The following L3MBTL4 variants were observed in gnomAD, a reference collection of about 807,000 sequenced individuals.
L3MBTL4 encodes lethal(3)malignant brain tumor-like protein 4.
A neutral mutation model predicts 84.5 loss-of-function variants in L3MBTL4; 70 were observed. The ratio of observed to expected loss-of-function variants is 0.83; its 90% CI spans 0.68 to 1.01. The LOEUF is 1.01. Among genes scored for constraint, L3MBTL4 ranks in the 50% least tolerant of loss-of-function variants. The pLI is 0.00. For missense variants in L3MBTL4, 715 were observed against 754.8 expected (o/e 0.95, Z 0.62); for synonymous variants, 274 against 259.8 (o/e 1.05, Z -0.52).
chr18:6,109,015 C>T (rs1027542406), intron 14 of L3MBTL4, among the ~76,000 whole-genome samples: 2 of 152,020 alleles, frequency 1.3e-5, no homozygotes, highest in African/African-American at 4.8e-5. Flanking sequence ...CTATGGGTAC[C>T]AAGGAATGGC....
At chr18:5,964,464 A>G (rs896838650) in intron 17 of L3MBTL4, among the ~76,000 whole-genome samples, 4 of 151,780 alleles carry the variant, frequency 2.6e-5, no homozygotes, top group Non-Finnish European at 2.9e-5. Flanking sequence ...ACTGGGGACC[A>G]TGTTTCCAGC....
intron 12 of L3MBTL4, among the ~76,000 whole-genome samples, chr18:6,200,896 G>A (rs1466526743): frequency 4.6e-5 from 7 of 152,144 alleles, no homozygotes; most frequent in Non-Finnish European, 8.8e-5. Flanking sequence ...GTGCACATTT[G>A]TTTTGCATAA....
At chr18:6,138,069 A>T (rs2060080182) in intron 14 of L3MBTL4, 125 bp downstream of exon 14, 1 of 556,992 alleles carries the variant, frequency 1.8e-6, no homozygotes, top group Non-Finnish European at 3.2e-6. Flanking sequence ...CCTCAGCAAC[A>T]CAGAGGTGGG....
intron 17 of L3MBTL4, among the ~76,000 whole-genome samples, chr18:5,962,405 A>G (rs2144687878): frequency 1.3e-5 from 2 of 152,326 alleles, no homozygotes; most frequent in South Asian, 4.1e-4. Flanking sequence ...GGGTGTGAGC[A>G]GCAGGAGGAA....
At chr18:6,099,829 A>G (rs750529607) in intron 14 of L3MBTL4, among the ~76,000 whole-genome samples, 1 of 151,866 alleles carries the variant, frequency 6.6e-6, no homozygotes, top group Non-Finnish European at 1.5e-5. Flanking sequence ...ATAAGAGTCA[A>G]AATAAATCTA....
At chr18:6,027,426 C>T (rs1438461971) in intron 16 of L3MBTL4, among the ~76,000 whole-genome samples, 1 of 152,304 alleles carries the variant, frequency 6.6e-6, no homozygotes, top group East Asian at 1.9e-4. Flanking sequence ...TTTCTTTGTC[C>T]AGTCTATCAT....
intron 1 of L3MBTL4, among the ~76,000 whole-genome samples, chr18:6,317,270 C>G (rs2051155610): frequency 6.6e-6 from 1 of 151,482 alleles, no homozygotes; most frequent in South Asian, 2.1e-4. Flanking sequence ...TCTGAAATAC[C>G]AGATAAAAAA....
chr18:6,202,710 G>C (rs147259692), intron 12 of L3MBTL4, among the ~76,000 whole-genome samples: 2 of 152,214 alleles, frequency 1.3e-5, no homozygotes, highest in Non-Finnish European at 2.9e-5. Flanking sequence ...TGACTCCCAG[G>C]TTTCTGTTTT....
chr18:6,293,223 G>A (rs985896380), intron 4 of L3MBTL4, among the ~76,000 whole-genome samples: 3 of 152,032 alleles, frequency 2.0e-5, no homozygotes, highest in Non-Finnish European at 2.9e-5. Flanking sequence ...GAGGGCCTGG[G>A]AGCAATGACA....
intron 16 of L3MBTL4, among the ~76,000 whole-genome samples, chr18:6,079,457 TATGGGTGTA>T (rs2057993227): frequency 6.6e-6 from 1 of 152,230 alleles, no homozygotes; most frequent in Non-Finnish European, 1.5e-5. Flanking sequence ...AATAAAAGCA[TATGGGTGTA>T]AACTCCTTAT....
chr18:6,200,214 A>G (rs2145643257), intron 12 of L3MBTL4, among the ~76,000 whole-genome samples: 1 of 152,324 alleles, frequency 6.6e-6, no homozygotes, highest in South Asian at 2.1e-4. Flanking sequence ...AGTGAATAAG[A>G]AGATGCAATT....
intron 14 of L3MBTL4, among the ~76,000 whole-genome samples, chr18:6,112,975 G>T (rs2059240070): frequency 6.6e-6 from 1 of 152,066 alleles, no homozygotes; most frequent in African/African-American, 2.4e-5. Flanking sequence ...TAGTGTCCGG[G>T]AATGCACATG....
chr18:6,309,151 G>A (rs2050719695), intron 3 of L3MBTL4, among the ~76,000 whole-genome samples: 2 of 152,122 alleles, frequency 1.3e-5, no homozygotes, highest in Non-Finnish European at 2.9e-5. Flanking sequence ...TAGAAACGTC[G>A]CTTGTAAACC....
chr18:6,395,497 G>A (rs745541367), intron 1 of L3MBTL4: 19 of 152,146 alleles, frequency 1.2e-4, no homozygotes, highest in Non-Finnish European at 1.9e-4. Flanking sequence ...TTTTAAAAGT[G>A]TATTACTAAG....
intron 16 of L3MBTL4, among the ~76,000 whole-genome samples, chr18:5,971,966 C>T (rs1171410261): frequency 6.6e-6 from 1 of 152,194 alleles, no homozygotes; most frequent in African/African-American, 2.4e-5. Context: ...AATACAGTTA[C>T]CTGTGTCCCT....
chr18:6,338,727 A>C (rs1285030088), intron 1 of L3MBTL4, among the ~76,000 whole-genome samples: 2 of 152,116 alleles, frequency 1.3e-5, no homozygotes, highest in African/African-American at 2.4e-5. Context: ...AAACCTAAAC[A>C]GTAAACTTGT....
chr18:6,060,056 T>C (rs148439075), intron 16 of L3MBTL4, among the ~76,000 whole-genome samples: 161 of 152,330 alleles, frequency 1.1e-3, no homozygotes, highest in African/African-American at 3.7e-3. Flanking sequence ...ATATCTGTGT[T>C]CCATAAGAAC....
intron 15 of L3MBTL4, among the ~76,000 whole-genome samples, chr18:6,084,951 G>A (rs1474211774): frequency 5.9e-5 from 9 of 152,264 alleles, no homozygotes; most frequent in East Asian, 3.9e-4. Context: ...GTAAGACGTG[G>A]AGCTAGGACA....
chr18:6,198,046 C>T lies in L3MBTL4; in HGVS notation c.981+15103G>A, dbSNP rs550345667. ...GACCACCCCTCTCCCTTTCTTGATGCCACTGTGATTGCCTAAGCTAATCTA... is the reference window on the plus strand; with the variant it reads ...GACCACCCCTCTCCCTTTCTTGATGTCACTGTGATTGCCTAAGCTAATCTA... On this transcript the variant is annotated intron_variant, in intron 12 of 18. Transcript: ENST00000317931. Among the ~76,000 whole-genome samples the T allele has an allele frequency of 9.2e-5, 14 of 152,280 alleles. No individual in the cohort carries two copies. In the South Asian group the frequency reaches 2.7e-3, roughly 29 times the overall value.
Sources: allele counts gnomAD v4.1 joint callset (sites outside exome capture counted in the v4.1 genomes callset), GRCh38; gene constraint gnomAD v4.1.1; transcripts MANE v1.5; gene names NCBI Gene and HGNC (gene_info 2026-07-23, HGNC 2026-07-21).